Variants in SLC39A11 observed in about 807,000 individuals in gnomAD.
SLC39A11 encodes the protein solute carrier family 39 member 11.
In SLC39A11, 33 loss-of-function variants were observed where a neutral mutation model predicts 36.1. The observed-to-expected ratio is 0.91, with a 90% CI of 0.69 to 1.22. The LOEUF (loss-of-function observed/expected upper bound fraction) is 1.22. Ranked by LOEUF, SLC39A11 falls within the 50% of genes most tolerant of loss-of-function variation. The probability of loss-of-function intolerance (pLI) is 0.00; values close to 1 mark genes in which losing one functional copy is unlikely to be tolerated. For synonymous variants in SLC39A11, 166 were observed against 170.3 expected (o/e 0.97, Z 0.20); for missense variants, 432 against 430.3 (o/e 1.00, Z -0.03).
chr17:72,940,674 G>A (rs1442835125), intron 5 of SLC39A11, among the ~76,000 whole-genome samples: 1 of 152,190 alleles, frequency 6.6e-6, no homozygotes, highest in Non-Finnish European at 1.5e-5. Flanking sequence ...ATGCAGGTAT[G>A]AGGCTAACGT....
chr17:73,043,951 C>T (rs2059189323), intron 3 of SLC39A11, among the ~76,000 whole-genome samples: 1 of 152,002 alleles, frequency 6.6e-6, no homozygotes, highest in African/African-American at 2.4e-5. Flanking sequence ...CATAATATAC[C>T]AGCTTTAAAT....
chr17:72,672,371 C>T (rs1268280849), intron 7 of SLC39A11, among the ~76,000 whole-genome samples: 4 of 152,156 alleles, frequency 2.6e-5, no homozygotes, highest in Non-Finnish European at 4.4e-5. Context: ...GTAGCTTGAA[C>T]CCAGGAGGTG....
intron 6 of SLC39A11, among the ~76,000 whole-genome samples, chr17:72,769,163 G>A (rs573226022): frequency 6.6e-6 from 1 of 152,184 alleles, no homozygotes; most frequent in African/African-American, 2.4e-5. Context: ...CTCTTAGCCA[G>A]TGGCTCTGTC....
At chr17:72,670,194 C>T (rs866627220) in intron 7 of SLC39A11, among the ~76,000 whole-genome samples, 1 of 95,458 alleles carries the variant, frequency 1.0e-5, no homozygotes, top group South Asian at 3.8e-4. Context: ...CACACACACA[C>T]ACACACACAC....
At chr17:73,047,990 A>AT (rs1287618070) in intron 3 of SLC39A11, among the ~76,000 whole-genome samples, 6 of 58,694 alleles carry the variant, frequency 1.0e-4, no homozygotes, top group African/African-American at 3.9e-4. Flanking sequence ...AAAAAAAAAA[A>AT]ATATATATAT....
rs747125753 is a variant in SLC39A11 at position 72,734,350 on chromosome 17, AG to A, written c.671+2299del. 9.4e-4 allele frequency among the ~76,000 whole-genome samples: 143 copies of A among 152,304 alleles called. 1 individual carries two copies. The highest frequency in any genetic ancestry group is 7.6e-4 in the Non-Finnish European group (52 of 68,028). ...GTTCCTTCTCTGCAGCCTGCATTGCAGGGGTCCCCTGGCCCCAGTACTCTGT... is the reference window on the plus strand; with the variant it reads ...GTTCCTTCTCTGCAGCCTGCATTGCAGGGTCCCCTGGCCCCAGTACTCTGT... On this transcript the variant is annotated intron_variant, in intron 7 of 9. Transcript: ENST00000255559.
At chr17:72,994,776 A>G (rs2089404383) in intron 4 of SLC39A11, among the ~76,000 whole-genome samples, 1 of 152,160 alleles carries the variant, frequency 6.6e-6, no homozygotes, top group Non-Finnish European at 1.5e-5. Context: ...GAAAGAACAA[A>G]CACTCCATGA....
chr17:72,818,071 T>A (rs143832832), intron 6 of SLC39A11: 2 of 152,146 alleles, frequency 1.3e-5, no homozygotes, highest in African/African-American at 4.8e-5. Context: ...CATGATTCAA[T>A]TGTCTCCCAC....
intron 7 of SLC39A11, among the ~76,000 whole-genome samples, chr17:72,696,046 GT>G (rs2072280520): frequency 6.6e-6 from 1 of 152,240 alleles, no homozygotes; most frequent in African/African-American, 2.4e-5. Context: ...GCTGGGCGTG[GT>G]GAAACAGACC....
intron 5 of SLC39A11, among the ~76,000 whole-genome samples, chr17:72,853,291 G>T (rs920095967): frequency 6.6e-6 from 1 of 151,326 alleles, no homozygotes; most frequent in East Asian, 1.9e-4. Context: ...GCCTCCAAAA[G>T]TGCTAGGATT....
At chr17:73,053,404 C>T (rs1328493536) in intron 3 of SLC39A11, among the ~76,000 whole-genome samples, 6 of 152,158 alleles carry the variant, frequency 3.9e-5, no homozygotes, top group African/African-American at 1.4e-4. Flanking sequence ...TACCCACAGT[C>T]GCAGACTTAC....
chr17:72,678,288 AAC>A (rs1268652400), intron 7 of SLC39A11, among the ~76,000 whole-genome samples: 1 of 152,146 alleles, frequency 6.6e-6, no homozygotes, highest in Non-Finnish European at 1.5e-5. Context: ...CACCATTTAC[AAC>A]GTGTTTTTTT....
rs1368095635 is a variant in SLC39A11, at chr17:72,647,633, G to T, written c.959C>A (p.Ser320Tyr). ...SGNGKLASWA[S>Y]ILGFVVMMSL... ...CATCATCACTACAAATCCCAGGATG[G>T]AGGCCCAGGATGCCAGTTTCCCATT... The change falls in exon 10 of 10, where the codon TCC becomes TAC. Residue 320 changes from serine to tyrosine, a missense_variant. Transcript: ENST00000255559. 1.2e-6 allele frequency: 2 copies of T among 1,613,994 alleles called. No homozygotes were observed. The highest frequency in any genetic ancestry group is 1.7e-5 in the Admixed American group (1 of 60,014).
chr17:72,998,842 C>T (rs891896209), intron 4 of SLC39A11, among the ~76,000 whole-genome samples: 2 of 152,184 alleles, frequency 1.3e-5, no homozygotes, highest in Non-Finnish European at 2.9e-5. Context: ...GCAGAGGAGT[C>T]CCGTTCTGAG....
At chr17:72,932,502 A>G (rs9911941) in intron 5 of SLC39A11, among the ~76,000 whole-genome samples, 14,757 of 149,426 alleles carry the variant, frequency 0.099, 1,254 homozygotes, top group African/African-American at 0.24. Flanking sequence ...CTATGAAACA[A>G]CCTGTTCTTT....
intron 6 of SLC39A11, among the ~76,000 whole-genome samples, chr17:72,833,871 A>T (rs1223389349): frequency 6.6e-6 from 1 of 152,182 alleles, no homozygotes; most frequent in Admixed American, 6.5e-5. Flanking sequence ...TAAGAAAAAA[A>T]CTCAGAACCA....
At chr17:73,069,764 T>G (rs1053284577) in intron 3 of SLC39A11, among the ~76,000 whole-genome samples, 1 of 152,212 alleles carries the variant, frequency 6.6e-6, no homozygotes, top group Non-Finnish European at 1.5e-5. Flanking sequence ...AAAGAATTGA[T>G]ACTCAGTAAG....
chr17:73,059,622 T>A (rs912904576), intron 3 of SLC39A11, among the ~76,000 whole-genome samples: 1 of 143,770 alleles, frequency 7.0e-6, no homozygotes, highest in Non-Finnish European at 1.5e-5. Flanking sequence ...GCCATTGCAC[T>A]CCAGCCTGGG....
chr17:72,782,853 T>C (rs2076369827), intron 6 of SLC39A11, among the ~76,000 whole-genome samples: 1 of 151,138 alleles, frequency 6.6e-6, no homozygotes, highest in African/African-American at 2.4e-5. Flanking sequence ...CATACAAAAA[T>C]TAGCCAGACG....
Sources: allele counts gnomAD v4.1 joint callset (sites outside exome capture counted in the v4.1 genomes callset), GRCh38; gene constraint gnomAD v4.1.1; transcripts MANE v1.5; gene names NCBI Gene and HGNC (gene_info 2026-07-23, HGNC 2026-07-21).